JPT2: variants seen among roughly 807,000 people sequenced by gnomAD.
JPT2 encodes the protein CRAMP_1 like.
A neutral mutation model predicts 15.9 loss-of-function variants in JPT2; 9 were observed. The observed-to-expected ratio is 0.57, with a 90% CI of 0.34 to 0.99. JPT2 has a LOEUF of 0.99. Among genes scored for constraint, JPT2 ranks in the 50% least tolerant of loss-of-function variants. JPT2 has a pLI of 0.02. For missense variants in JPT2, 267 were observed against 252.1 expected, an observed-to-expected ratio of 1.06 and a Z score of -0.40; for synonymous variants, 95 against 91.7, an observed-to-expected ratio of 1.04 and a Z score of -0.21.
chr16:1,691,251 C>T (rs901755571), intron 2 of JPT2, among the ~76,000 whole-genome samples: 3 of 152,144 alleles, frequency 2.0e-5, no homozygotes, highest in Admixed American at 6.5e-5. Flanking sequence ...ACCTCTTAGA[C>T]GCACATTTTC....
In JPT2 at chr16:1,678,291, G is replaced by A. The variant is rs113162769; in HGVS notation, c.-22G>A. On this transcript the variant is annotated 5_prime_UTR_variant, in exon 1 of 5. Coordinates refer to ENST00000248098, the MANE Select transcript of JPT2 (RefSeq NM_144570.3). ...GGCGGGCGGGAACGGCGCGCGGCGA[G>A]CTGAGGGTGGCGGCGGTCGACATGT... 5.7e-6 allele frequency: 7 copies of A among 1,236,216 alleles called. No homozygotes were observed. Among genetic ancestry groups the A allele is most frequent in the African/African-American group, 4.7e-5 (3 of 64,206 alleles). 76.6% of individuals were successfully genotyped at this position (1,236,216 alleles called of 1,614,324 possible). A position where few individuals can be genotyped will look rare whatever the true frequency, so the allele number is the denominator to read the frequency against.
Position 1,680,376 on chromosome 16 carries a change from C to T in JPT2, c.44+2020C>T, listed in dbSNP as rs147078472. On this transcript the variant is annotated intron_variant, in intron 1 of 4. Coordinates refer to ENST00000248098, the MANE Select transcript of JPT2 (RefSeq NM_144570.3). ...GCTCCAGAAGTTAGCTGCACAGGGC[C>T]GCACTAAAGTCATACTCACACTACC... The T allele has an allele frequency of 1.3e-4, 135 of 1,038,978 alleles. 1 individual carries two copies. The East Asian group carries it at 8.0e-3, about 61-fold the overall frequency. The allele number at this position is 1,038,978 out of a possible 1,614,324, so 64.4% of individuals were successfully genotyped here.
chr16:1,680,599 AT>A (rs1205908617), intron 1 of JPT2: 18 of 877,776 alleles, frequency 2.1e-5, no homozygotes, highest in Admixed American at 4.9e-5. Context: ...TAAGCGTCAC[AT>A]TTAGTTTTGC....
chr16:1,686,375 A>C (rs973095353), intron 2 of JPT2: 3 of 147,294 alleles, frequency 2.0e-5, no homozygotes, highest in African/African-American at 7.9e-5. Flanking sequence ...TCCGTCTCAA[A>C]AAAAAAAAGA....
Position 1,697,827 on chromosome 16 carries a change from T to C in JPT2, c.352T>C (p.Cys118Arg), listed in dbSNP as rs1343171077. The C allele has an allele frequency of 5.0e-6, 8 of 1,614,006 alleles. No individual in the cohort carries two copies. The highest frequency in any genetic ancestry group is 6.8e-6 in the Non-Finnish European group (8 of 1,180,018). The stretch of plus-strand genomic sequence containing the variant: ...CTTGTTGCAGGATCATGTTTTCTTA[T>C]GTGAAGGAGAAGAACCAAAATCGGA... ...PNKPKDHVFLCEGEEPKSDLK... is the reference protein window; with the variant it reads ...PNKPKDHVFLREGEEPKSDLK... The change falls in exon 4 of 5, where the codon TGT (cysteine) becomes CGT (arginine). Residue 118 changes from cysteine (C) to arginine (R), a missense_variant. Cys to Arg is a radical substitution (Grantham distance 180). Transcript: ENST00000248098.
chr16:1,699,641 C>G lies in JPT2; in HGVS notation c.*643C>G, dbSNP rs2037167871. On this transcript the variant is annotated 3_prime_UTR_variant, in exon 5 of 5. Transcript: ENST00000248098. ...CTCTGAAGTGCCCAGTTCCTGCCAT[C>G]TGAAACCTCGGCCTGATCTGATCTC... is the stretch of plus-strand genomic sequence containing the variant. 1 of 275,906 alleles carries G rather than the reference C, an allele frequency of 3.6e-6. No individual in the cohort carries two copies. Among genetic ancestry groups the G allele is most frequent in the Non-Finnish European group, 7.2e-6 (1 of 139,256 alleles). 17.1% of individuals were successfully genotyped at this position (275,906 alleles called of 1,614,324 possible).
chr16:1,683,051 A>G (rs2037036413), intron 1 of JPT2, among the ~76,000 whole-genome samples: 1 of 152,236 alleles, frequency 6.6e-6, no homozygotes, highest in South Asian at 2.1e-4. Flanking sequence ...ATCTTGGTTC[A>G]CTGCAAGCTC....
intron 3 of JPT2, among the ~76,000 whole-genome samples, chr16:1,697,530 ATTGACT>A (rs904917057): frequency 2.0e-5 from 3 of 151,774 alleles, no homozygotes; most frequent in African/African-American, 7.3e-5. Context: ...AAAAAAAAAA[ATTGACT>A]TTGATATTTA....
chr16:1,680,840 CAG>C (rs1430961784), intron 1 of JPT2, among the ~76,000 whole-genome samples: 1 of 152,214 alleles, frequency 6.6e-6, no homozygotes, highest in African/African-American at 2.4e-5. Context: ...TAAGCCTGAC[CAG>C]TCCCCTCATC....
At chr16:1,683,435 T>G in intron 1 of JPT2, 1 of 958,576 alleles carries the variant, frequency 1.0e-6, no homozygotes, top group Non-Finnish European at 1.6e-6. Context: ...TAAGCTTGGT[T>G]ATTGGTTATT....
chr16:1,678,336 G>C lies in JPT2; in HGVS notation c.24G>C (p.Glu8Asp). 9 of 1,235,184 alleles carry C rather than the reference G, an allele frequency of 7.3e-6. No homozygotes were observed. The highest frequency in any genetic ancestry group is 9.1e-6 in the Non-Finnish European group (9 of 987,106). 76.5% of individuals were successfully genotyped at this position (1,235,184 alleles called of 1,614,324 possible). The change falls in exon 1 of 5, where the codon GAG (glutamate) becomes GAC (aspartate). Residue 8 changes from glutamate to aspartate, a missense_variant. Glu to Asp is a conservative substitution (Grantham distance 45). Transcript: ENST00000248098. MFQVPDS[E>D]GGRAGSRAMK... ...ACATGTTCCAGGTCCCGGATAGCGA[G>C]GGCGGCCGCGCCGGCTCCAGGTGCG...
At chr16:1,693,718 G>A (rs1356578877) in intron 3 of JPT2, among the ~76,000 whole-genome samples, 1 of 151,668 alleles carries the variant, frequency 6.6e-6, no homozygotes, top group African/African-American at 2.4e-5. Context: ...AGCATCACCA[G>A]AGAAATGACT....
At chr16:1,688,299 G>C (rs191899865) in intron 2 of JPT2, 134 of 152,346 alleles carry the variant, frequency 8.8e-4, no homozygotes, top group African/African-American at 3.1e-3. Context: ...AGCAGAGCTA[G>C]TCGGTAGCAG....
chr16:1,695,261 C>T (rs563021267), intron 3 of JPT2, among the ~76,000 whole-genome samples: 10 of 152,168 alleles, frequency 6.6e-5, no homozygotes, highest in African/African-American at 1.7e-4. Flanking sequence ...TAAAATTAGC[C>T]GGGCCTGGTG....
intron 1 of JPT2, among the ~76,000 whole-genome samples, chr16:1,684,982 A>G: frequency 6.6e-6 from 1 of 152,110 alleles, no homozygotes; most frequent in East Asian, 1.9e-4. Flanking sequence ...TCTGTAAACT[A>G]GTCATACCAG....
intron 1 of JPT2, 44 bp downstream of exon 1, chr16:1,678,400 C>A: frequency 9.0e-6 from 9 of 1,005,528 alleles, no homozygotes; most frequent in Non-Finnish European, 1.1e-5. Context: ...AGCGCGACCA[C>A]GTGGCGGGAG....
At chr16:1,697,935 G>T in intron 4 of JPT2, 75 bp downstream of exon 4, 1 of 1,342,714 alleles carries the variant, frequency 7.4e-7, no homozygotes. Context: ...TCTCCTCTGG[G>T]AATGAAAAGG....
chr16:1,692,212 G>A (rs758972938), intron 3 of JPT2: 20 of 589,452 alleles, frequency 3.4e-5, no homozygotes, highest in African/African-American at 3.0e-4. Flanking sequence ...CTTCTGTGCT[G>A]GTGGCGGACG....
intron 2 of JPT2, 91 bp from the exon 3 acceptor site, chr16:1,691,752 T>G: frequency 6.9e-7 from 1 of 1,445,456 alleles, no homozygotes; most frequent in Non-Finnish European, 9.1e-7. Context: ...GGGGTTCCTA[T>G]GAGAGGAGGT....
Sources: gnomAD v4.1 joint callset for allele counts (sites outside exome capture counted in the v4.1 genomes callset) on GRCh38, gnomAD v4.1.1 for gene constraint, MANE v1.5 for transcripts, NCBI Gene and HGNC (gene_info 2026-07-23, HGNC 2026-07-21) for gene names.